The following KRI1 variants were observed in gnomAD, a reference collection of about 807,000 sequenced individuals.
KRI1 encodes the protein protein KRI1 homolog.
KRI1 carries 83 observed loss-of-function variants against 97.0 expected under a neutral mutation model. The observed-to-expected ratio is 0.86, with a 90% CI of 0.72 to 1.03. The LOEUF (loss-of-function observed/expected upper bound fraction) is 1.03, where lower values mean the gene tolerates loss of function less well. Ranked by LOEUF, KRI1 falls within the 50% of genes least tolerant of loss-of-function variation. The pLI is 0.00. For missense variants in KRI1, 916 were observed against 928.4 expected (o/e 0.99, Z 0.17); for synonymous variants, 371 against 363.5 (o/e 1.02, Z -0.23).
At position 10,559,920 on chromosome 19, in the gene KRI1, C is replaced by A; in HGVS notation, c.817G>T (p.Val273Phe). ...GAGGAGTCGTCCACAGCCAGCTGGA[C>A]TGGGGGACCGTGGACCCTGAGGGGC... ...EEEEGVHGPP[V>F]QLAVDDSSDE... is the part of the protein sequence containing the mutation. Residue 273 changes from valine to phenylalanine, a missense_variant, in exon 10 of 19, where the codon GTC (valine) becomes TTC (phenylalanine). By Grantham distance (50) the Val-to-Phe change is conservative. Coordinates refer to ENST00000312962, the MANE Select transcript of KRI1 (RefSeq NM_023008.5). 6.2e-7 allele frequency: 1 copy of A among 1,612,064 alleles called. No homozygotes were observed. The highest frequency in any genetic ancestry group is 8.5e-7 in the Non-Finnish European group (1 of 1,179,920).
chr19:10,560,411 T>C lies in KRI1; in HGVS notation c.701A>G (p.Asp234Gly), dbSNP rs756223494. Residue 234 changes from aspartate to glycine, a missense_variant, in exon 9 of 19, where the codon GAT becomes GGT. Around this residue, in one of 3 missense-constraint regions of KRI1, gnomAD observed 672 missense variants for 667.2 expected, o/e 1.01. Coordinates refer to ENST00000312962, the MANE Select transcript of KRI1 (RefSeq NM_023008.5). ...LKEYWNDPEL[D>G]EGERFLRDYI... ...ATCCCGCAGGAACCGCTCCCCTTCATCCAACTCAGGGTCGTTCCAGTATTC... is the reference window on the plus strand; with the variant it reads ...ATCCCGCAGGAACCGCTCCCCTTCACCCAACTCAGGGTCGTTCCAGTATTC... 9.3e-6 allele frequency: 15 copies of C among 1,613,898 alleles called. No homozygotes were observed. Among genetic ancestry groups the C allele is most frequent in the Non-Finnish European group, 1.3e-5 (15 of 1,179,900 alleles).
chr19:10,557,767 AC>A lies in KRI1; in HGVS notation c.1486+1del. On this transcript the variant is annotated splice_donor_variant, in intron 15 of 18. Transcript: ENST00000312962. LOFTEE classifies it high-confidence loss of function. Reference sequence around the variant, plus strand: ...CCCACGGCCTGCCCACCTGGGCCTCACCGGGTTCAAACACGGGCTTCTCCTG... The same window carrying A: ...CCCACGGCCTGCCCACCTGGGCCTCACGGGTTCAAACACGGGCTTCTCCTG... The A allele has an allele frequency of 6.2e-7, 1 of 1,613,392 alleles. No homozygotes were observed. The highest frequency in any genetic ancestry group is 8.5e-7 in the Non-Finnish European group (1 of 1,179,720).
Position 10,564,344 on chromosome 19 carries a change from C to T in KRI1, c.274+585G>A, listed in dbSNP as rs1438954250. Among the ~76,000 whole-genome samples the T allele has an allele frequency of 2.0e-5, 3 of 151,818 alleles. No individual in the cohort carries two copies. In the East Asian group the frequency reaches 5.8e-4, roughly 29 times the overall value. On this transcript the variant is annotated intron_variant, in intron 3 of 18. Coordinates refer to ENST00000312962, the MANE Select transcript of KRI1 (RefSeq NM_023008.5). ...GCGTGGTGGCGCGTGCCTGTAATTC[C>T]AGCTACTCAGGAGGCTGAGGCAGGA...
intron 6 of KRI1, 44 bp downstream of exon 6, chr19:10,561,623 C>G (rs766105100): frequency 6.2e-7 from 1 of 1,603,328 alleles, no homozygotes; most frequent in Non-Finnish European, 8.5e-7. Flanking sequence ...ACCCCCGAGC[C>G]TCAACTTTCC....
At chr19:10,565,813 C>G in intron 1 of KRI1, 23 bp from the exon 2 acceptor site, 4 of 1,539,590 alleles carry the variant, frequency 2.6e-6, no homozygotes, top group South Asian at 2.4e-5. Context: ...GACGGGATGC[C>G]CCCCCCCAGG....
In KRI1 at chr19:10,557,835, C is replaced by T. The variant is rs765714727; in HGVS notation, c.1420G>A (p.Gly474Ser). ...RKKKREAPLT[G>S]KKKRKSPFAA... ...AAGGGCGACTTGCGCTTCTTCTTGC[C>T]CGTCAAGGGGGCCTCGCGCTTTTTC... Residue 474 changes from glycine to serine, a missense_variant, in exon 15 of 19, where the codon GGC (glycine) becomes AGC (serine). Coordinates refer to ENST00000312962, the MANE Select transcript of KRI1 (RefSeq NM_023008.5). 2 of 1,613,532 alleles carry T rather than the reference C, an allele frequency of 1.2e-6. No homozygotes were observed. The highest frequency in any genetic ancestry group is 3.3e-5 in the Admixed American group (2 of 60,008).
At position 10,553,625 on chromosome 19, in the gene KRI1, G is replaced by A. The variant is rs181181951; in HGVS notation, c.*326C>T. The A allele has an allele frequency of 1.2e-5, 3 of 258,156 alleles. No homozygotes were observed. In the East Asian group the frequency reaches 2.3e-4, roughly 20 times the overall value. 16.0% of individuals were successfully genotyped at this position (258,156 alleles called of 1,614,324 possible). A position where few individuals can be genotyped will look rare whatever the true frequency, so the allele number is the denominator to read the frequency against. ...GGGTCTTGCTTTGTTGCCCAGGCTG[G>A]AGTGCAGTGGTGCAATCATAGCTCT... On this transcript the variant is annotated 3_prime_UTR_variant, in exon 19 of 19. Transcript: ENST00000312962.
At chr19:10,562,498 C>T (rs1275698523) in intron 4 of KRI1, among the ~76,000 whole-genome samples, 1 of 151,792 alleles carries the variant, frequency 6.6e-6, no homozygotes, top group Non-Finnish European at 1.5e-5. Flanking sequence ...ATCATCATGC[C>T]CAGCTAATTT....
chr19:10,553,824 TG>T lies in KRI1; in HGVS notation c.*126del. 1.2e-6 allele frequency: 1 copy of T among 856,490 alleles called. No homozygotes were observed. Among genetic ancestry groups the T allele is most frequent in the Non-Finnish European group, 1.7e-6 (1 of 581,754 alleles). The allele number at this position is 856,490 out of a possible 1,614,324, so 53.1% of individuals were successfully genotyped here. ...CTTTCACCTCGGCCTCCCAAAGTGC[TG>T]GGATTACAGGCGTGCCTGGCCACAG... On this transcript the variant is annotated 3_prime_UTR_variant, in exon 19 of 19. Coordinates refer to ENST00000312962, the MANE Select transcript of KRI1 (RefSeq NM_023008.5).
intron 9 of KRI1, 107 bp downstream of exon 9, chr19:10,560,205 T>C: frequency 3.5e-6 from 5 of 1,447,718 alleles, no homozygotes; most frequent in Admixed American, 2.6e-5. Flanking sequence ...CCACCATCTG[T>C]GAAAAAAATA....
At position 10,561,897 on chromosome 19, in the gene KRI1, C is replaced by G. The variant is rs150754292; in HGVS notation, c.384-52G>C. The G allele has an allele frequency of 8.4e-6, 13 of 1,552,882 alleles. No homozygotes were observed. The African/African-American group carries it at 1.8e-4, about 21-fold the overall frequency. ...AATATATCTTCCAGGGCCCGCCTGT[C>G]CCCATGCCCATGCGGAGCAGCTATT... is the stretch of plus-strand genomic sequence containing the variant. On this transcript the variant is annotated intron_variant, in intron 4 of 18. Coordinates refer to ENST00000312962, the MANE Select transcript of KRI1 (RefSeq NM_023008.5).
intron 2 of KRI1, 47 bp from the exon 3 acceptor site, chr19:10,565,081 A>G: frequency 7.8e-7 from 1 of 1,276,420 alleles, no homozygotes. Context: ...GGGAGATAAT[A>G]AGAGCCCTGG....
chr19:10,560,951 T>C (rs990226469), intron 8 of KRI1, 52 bp downstream of exon 8: 5 of 1,376,830 alleles, frequency 3.6e-6, no homozygotes, highest in Non-Finnish European at 5.2e-6. Context: ...ATAGGTTGGA[T>C]GGACGCGGAA....
At chr19:10,555,498 G>A (rs1435508524) in intron 16 of KRI1, 149 bp from the exon 17 acceptor site, 1 of 797,110 alleles carries the variant, frequency 1.3e-6, no homozygotes. Context: ...TCTCTACAGA[G>A]GCCAATGATT....
intron 3 of KRI1, among the ~76,000 whole-genome samples, chr19:10,563,322 C>G (rs954371837): frequency 2.0e-5 from 3 of 151,674 alleles, no homozygotes; most frequent in African/African-American, 7.3e-5. Context: ...TCCCAAAGTG[C>G]TGAGATTACA....
Position 10,559,405 on chromosome 19 carries a change from T to A in KRI1, c.1148A>T (p.Asp383Val), listed in dbSNP as rs1916619172. The change falls in exon 12 of 19, where the codon GAC (aspartate) becomes GTC (valine). Residue 383 changes from aspartate (D) to valine (V), a missense_variant. Asp to Val is a radical substitution (Grantham distance 152, BLOSUM62 -3). Coordinates refer to ENST00000312962, the MANE Select transcript of KRI1 (RefSeq NM_023008.5). ...GNEMLGLEEG[D>V]LEDDFDPAQH... ...GGCAGGGTCGAAGTCGTCTTCAAGGTCCCCCTCCTCGAGGCCCAGCATCTC... is the reference window on the plus strand; with the variant it reads ...GGCAGGGTCGAAGTCGTCTTCAAGGACCCCCTCCTCGAGGCCCAGCATCTC... 1.2e-6 allele frequency: 2 copies of A among 1,613,670 alleles called. No individual in the cohort carries two copies. Among genetic ancestry groups the A allele is most frequent in the Non-Finnish European group, 1.7e-6 (2 of 1,179,950 alleles).
At chr19:10,560,910 T>A (rs1568423241) in intron 8 of KRI1, 93 bp downstream of exon 8, 7 of 953,894 alleles carry the variant, frequency 7.3e-6, no homozygotes, top group Non-Finnish European at 1.2e-5. Flanking sequence ...GAGATGTACA[T>A]ATCCCATCTT....
At chr19:10,560,086 T>C in intron 9 of KRI1, 150 bp from the exon 10 acceptor site, 1 of 1,251,340 alleles carries the variant, frequency 8.0e-7, no homozygotes, top group Non-Finnish European at 1.1e-6. Context: ...ATTTTACAGA[T>C]GGGGAAACTG....
At chr19:10,554,960 G>A (rs1916450913) in intron 18 of KRI1, 127 bp downstream of exon 18, 10 of 715,206 alleles carry the variant, frequency 1.4e-5, no homozygotes, top group Middle Eastern at 3.8e-4. Context: ...TATAGGATTC[G>A]AACCCAGGTC....
Sources: allele counts gnomAD v4.1 joint callset (sites outside exome capture counted in the v4.1 genomes callset), GRCh38; gene constraint gnomAD v4.1.1; regional missense constraint gnomAD v4.1.1; transcripts MANE v1.5; gene names NCBI Gene and HGNC (gene_info 2026-07-23, HGNC 2026-07-21).